Variants in GRXCR2 observed in about 807,000 individuals in gnomAD.
The protein encoded by GRXCR2 is glutaredoxin and cysteine rich domain containing 2, also known as glutaredoxin domain-containing cysteine-rich protein 2.
GRXCR2 carries 23 observed loss-of-function variants against 24.8 expected under a neutral mutation model. The observed-to-expected ratio is 0.93, with a 90% CI of 0.67 to 1.32. The LOEUF is 1.32. Ranked by LOEUF, GRXCR2 falls within the 40% of genes most tolerant of loss-of-function variation. The pLI is 0.00. For synonymous variants in GRXCR2, 130 were observed against 116.1 expected (o/e 1.12, Z -0.77); for missense variants, 315 against 303.4 (o/e 1.04, Z -0.28).
At chr5:145,892,216 A>C (rs1280880613) in intron 2 of GRXCR2, among the ~76,000 whole-genome samples, 1 of 152,222 alleles carries the variant, frequency 6.6e-6, no homozygotes, top group Non-Finnish European at 1.5e-5. Context: ...AACTCTAAAA[A>C]TCAGAGCGCC....
Position 145,866,645 on chromosome 5 carries a change from ATC to A in GRXCR2, c.418_419del (p.Asp140PhefsTer13). The stretch of plus-strand genomic sequence containing the variant: ...CCTTCTGGAGAATTTTCCTCACAAA[ATC>A]TCTCTTGTCCATTGGGGTTCGAATG... The part of the protein sequence containing the change: ...KIIRTPMDKR[D>X]FVRKILQKEE... On this transcript the variant is annotated frameshift_variant, in exon 2 of 3. Transcript: ENST00000377976. LOFTEE classifies it high-confidence loss of function. The A allele has an allele frequency of 1.9e-6, 3 of 1,613,910 alleles. No homozygotes were observed. The highest frequency in any genetic ancestry group is 2.5e-6 in the Non-Finnish European group (3 of 1,179,838).
chr5:145,913,370 A>C (rs373103842), intron 2 of GRXCR2, among the ~76,000 whole-genome samples: 13 of 152,242 alleles, frequency 8.5e-5, no homozygotes, highest in African/African-American at 3.1e-4. Context: ...AAGTCCTGAT[A>C]GATAAGGGGG....
intron 2 of GRXCR2, among the ~76,000 whole-genome samples, chr5:145,891,537 T>C (rs962417375): frequency 3.9e-5 from 6 of 152,142 alleles, no homozygotes; most frequent in African/African-American, 1.4e-4. Context: ...TGCTCACTGC[T>C]AGCACAGCAG....
intron 2 of GRXCR2, among the ~76,000 whole-genome samples, chr5:145,891,131 C>T (rs1037904974): frequency 6.6e-6 from 1 of 152,100 alleles, no homozygotes; most frequent in Admixed American, 6.5e-5. Flanking sequence ...TACTTCCAGA[C>T]CTATGAAAAG....
intron 2 of GRXCR2, among the ~76,000 whole-genome samples, chr5:145,860,329 T>C (rs186044319): frequency 6.6e-5 from 10 of 152,278 alleles, no homozygotes; most frequent in Admixed American, 6.5e-4. Flanking sequence ...ATCCATCTAA[T>C]CCTCACAAAA....
At chr5:145,898,921 C>T (rs1602276) in intron 2 of GRXCR2, among the ~76,000 whole-genome samples, 2,281 of 152,096 alleles carry the variant, frequency 0.015, 56 homozygotes, top group African/African-American at 0.052. Flanking sequence ...AGAAATCAGA[C>T]GAAAGAAAGA....
At chr5:145,877,552 G>A (rs1438583084), upstream of GRXCR2, among the ~76,000 whole-genome samples, 2 of 152,172 alleles carry the variant, frequency 1.3e-5, no homozygotes, top group African/African-American at 4.8e-5. Context: ...TATGTTCTGT[G>A]ACATAGAATT....
At chr5:145,895,967 A>T (rs1756942565) in intron 2 of GRXCR2, among the ~76,000 whole-genome samples, 1 of 152,248 alleles carries the variant, frequency 6.6e-6, no homozygotes, top group South Asian at 2.1e-4. Flanking sequence ...GAGCCCTCAG[A>T]AATAATGTCG....
At chr5:145,897,218 G>A (rs1231710789) in intron 2 of GRXCR2, among the ~76,000 whole-genome samples, 2 of 150,058 alleles carry the variant, frequency 1.3e-5, no homozygotes, top group Non-Finnish European at 3.0e-5. Context: ...CATGGCTCAT[G>A]TATACGTATG....
At chr5:145,923,031 C>G (rs918198054) in intron 2 of GRXCR2, among the ~76,000 whole-genome samples, 1 of 152,236 alleles carries the variant, frequency 6.6e-6, no homozygotes, top group African/African-American at 2.4e-5. Context: ...ATCAGTGCCA[C>G]CCGGAAACTA....
intron 2 of GRXCR2, among the ~76,000 whole-genome samples, chr5:145,907,209 A>G (rs1029065493): frequency 1.3e-5 from 2 of 152,004 alleles, no homozygotes; most frequent in Non-Finnish European, 2.9e-5. Flanking sequence ...TGAGCAGAGG[A>G]GGGGCATGTA....
chr5:145,879,209 T>G (rs1756662234), intron 2 of GRXCR2, among the ~76,000 whole-genome samples: 1 of 152,112 alleles, frequency 6.6e-6, no homozygotes, highest in African/African-American at 2.4e-5. Context: ...ACCTTAAATG[T>G]AAATAGGCTA....
At chr5:145,870,703 T>A (rs1432617562) in intron 1 of GRXCR2, among the ~76,000 whole-genome samples, 1 of 152,188 alleles carries the variant, frequency 6.6e-6, no homozygotes, top group Non-Finnish European at 1.5e-5. Flanking sequence ...TTCTTTTTCA[T>A]AAATACCACA....
At chr5:145,893,238 A>C (rs552714308) in intron 2 of GRXCR2, among the ~76,000 whole-genome samples, 2 of 152,308 alleles carry the variant, frequency 1.3e-5, no homozygotes, top group Admixed American at 1.3e-4. Context: ...CAGGCAAAAT[A>C]ACCAGCTAAC....
intron 2 of GRXCR2, among the ~76,000 whole-genome samples, chr5:145,928,389 A>C (rs375113455): frequency 2.4e-4 from 37 of 152,224 alleles, no homozygotes; most frequent in Middle Eastern, 3.4e-3. Flanking sequence ...TTGACCCAGC[A>C]ATCCCATTAC....
At chr5:145,922,688 A>T (rs554188841) in intron 2 of GRXCR2, among the ~76,000 whole-genome samples, 3 of 152,208 alleles carry the variant, frequency 2.0e-5, no homozygotes, top group Non-Finnish European at 2.9e-5. Context: ...CAACACCCTT[A>T]AAAAGCTGTT....
At chr5:145,870,333 T>C (rs899576544) in intron 1 of GRXCR2, among the ~76,000 whole-genome samples, 2 of 152,166 alleles carry the variant, frequency 1.3e-5, no homozygotes, top group Non-Finnish European at 2.9e-5. Context: ...TCATACAGTA[T>C]TTGTGTTTTT....
At chr5:145,879,367 C>G (rs1393278225) in intron 2 of GRXCR2, among the ~76,000 whole-genome samples, 1 of 93,482 alleles carries the variant, frequency 1.1e-5, no homozygotes, top group Non-Finnish European at 2.2e-5. Context: ...AGCAAATGCA[C>G]AGCAAAAAAA....
Position 145,866,563 on chromosome 5 carries a change from C to T in GRXCR2, c.502G>A (p.Asp168Asn), listed in dbSNP as rs777445349. ...TCCACCAAAGGTCTATCGTGCTGGT[C>T]CCTGCCTCCATAGCTTTCTTCTTTG... ...MNKEESYGGR[D>N]QHDRPLVEAE... Residue 168 changes from aspartate to asparagine, a missense_variant, in exon 2 of 3, where the codon GAC (aspartate) becomes AAC (asparagine). By Grantham distance (23) the Asp-to-Asn change is conservative. Coordinates refer to ENST00000377976, the MANE Select transcript of GRXCR2 (RefSeq NM_001080516.2). 6.2e-7 allele frequency: 1 copy of T among 1,614,178 alleles called. No individual in the cohort carries two copies. The highest frequency in any genetic ancestry group is 1.1e-5 in the South Asian group (1 of 91,080).
Sources: allele counts gnomAD v4.1 joint callset (sites outside exome capture counted in the v4.1 genomes callset), GRCh38; gene constraint gnomAD v4.1.1; transcripts MANE v1.5; gene names NCBI Gene and HGNC (gene_info 2026-07-23, HGNC 2026-07-21).